The following SNTG1 variants were observed in gnomAD, a reference collection of about 807,000 sequenced individuals.
SNTG1 encodes gamma-1-syntrophin.
In SNTG1, 39 loss-of-function variants were observed where a neutral mutation model predicts 74.7. The observed-to-expected ratio is 0.52, with a 90% CI of 0.40 to 0.68. The LOEUF is 0.68. Among genes scored for constraint, SNTG1 ranks in the 30% least tolerant of loss-of-function variants. The pLI is 0.00. For synonymous variants in SNTG1, 254 were observed against 217.1 expected, an observed-to-expected ratio of 1.17 and a Z score of -1.49; for missense variants, 685 against 609.5, an observed-to-expected ratio of 1.12 and a Z score of -1.30.
intron 2 of SNTG1, among the ~76,000 whole-genome samples, chr8:50,192,396 C>G (rs1183112359): frequency 1.3e-5 from 2 of 152,030 alleles, no homozygotes; most frequent in Non-Finnish European, 2.9e-5. Context: ...GTAACATTTC[C>G]CTGATCATTA....
chr8:50,470,702 A>G (rs2093645969), intron 8 of SNTG1, among the ~76,000 whole-genome samples: 1 of 152,138 alleles, frequency 6.6e-6, no homozygotes, highest in African/African-American at 2.4e-5. Context: ...TGGCTTCAGG[A>G]GTGAAGCTGT....
chr8:50,050,113 T>A (rs1819441243), intron 1 of SNTG1, among the ~76,000 whole-genome samples: 1 of 150,540 alleles, frequency 6.6e-6, no homozygotes, highest in Non-Finnish European at 1.5e-5. Flanking sequence ...AAAGCAGAAA[T>A]CAATAAAATT....
chr8:50,633,523 G>T (rs958807515), intron 13 of SNTG1, among the ~76,000 whole-genome samples: 5 of 152,148 alleles, frequency 3.3e-5, no homozygotes, highest in Admixed American at 2.0e-4. Flanking sequence ...GAAAGGAAAA[G>T]AAATATGCTC....
chr8:50,471,122 CA>C (rs2131744795), intron 8 of SNTG1, among the ~76,000 whole-genome samples: 1 of 152,220 alleles, frequency 6.6e-6, no homozygotes, highest in East Asian at 1.9e-4. Context: ...AAAAGTTCCC[CA>C]AGTCCCAACC....
At chr8:50,126,420 A>G (rs1313306879) in intron 1 of SNTG1, among the ~76,000 whole-genome samples, 1 of 152,148 alleles carries the variant, frequency 6.6e-6, no homozygotes, top group Non-Finnish European at 1.5e-5. Context: ...TGTAATGTAC[A>G]TAAAATTGAT....
chr8:50,382,540 A>C (rs1487135607), intron 2 of SNTG1, among the ~76,000 whole-genome samples: 1 of 152,206 alleles, frequency 6.6e-6, no homozygotes, highest in Non-Finnish European at 1.5e-5. Flanking sequence ...TAGGCTTTGG[A>C]AAGAGCAGGA....
intron 1 of SNTG1, among the ~76,000 whole-genome samples, chr8:50,119,213 G>A (rs1485555548): frequency 7.1e-6 from 1 of 141,018 alleles, no homozygotes; most frequent in Non-Finnish European, 1.6e-5. Context: ...TATAGCCAGC[G>A]AAGTGCCCAC....
intron 2 of SNTG1, among the ~76,000 whole-genome samples, chr8:50,302,894 C>T (rs2089714893): frequency 6.6e-6 from 1 of 152,088 alleles, no homozygotes. Context: ...GAAATAATTG[C>T]TTTTGACGAT....
At chr8:50,372,408 T>G (rs2092290079) in intron 2 of SNTG1, among the ~76,000 whole-genome samples, 1 of 152,066 alleles carries the variant, frequency 6.6e-6, no homozygotes, top group African/African-American at 2.4e-5. Flanking sequence ...CTGTTTCTTG[T>G]CCCCATGTAC....
intron 2 of SNTG1, among the ~76,000 whole-genome samples, chr8:50,337,125 G>A (rs2091168633): frequency 6.6e-6 from 1 of 152,066 alleles, no homozygotes; most frequent in Non-Finnish European, 1.5e-5. Flanking sequence ...GCTCTTACAT[G>A]TAAATGACTT....
chr8:50,380,890 A>G (rs2092468661), intron 2 of SNTG1: 2 of 152,206 alleles, frequency 1.3e-5, no homozygotes, highest in Admixed American at 6.5e-5. Flanking sequence ...GCCACATCTG[A>G]TGATGTGACA....
intron 9 of SNTG1, among the ~76,000 whole-genome samples, chr8:50,517,674 G>T (rs1044601744): frequency 1.5e-5 from 2 of 135,450 alleles, no homozygotes; most frequent in African/African-American, 2.8e-5. Context: ...TGATAAAACA[G>T]ACTTTAAACC....
intron 2 of SNTG1, among the ~76,000 whole-genome samples, chr8:50,373,968 C>T (rs532751987): frequency 6.6e-6 from 1 of 152,218 alleles, no homozygotes; most frequent in East Asian, 1.9e-4. Context: ...GATTCTAGTC[C>T]TGGGATCTCT....
At chr8:49,972,845 A>G (rs1288080523) in intron 1 of SNTG1, among the ~76,000 whole-genome samples, 1 of 152,212 alleles carries the variant, frequency 6.6e-6, no homozygotes, top group Non-Finnish European at 1.5e-5. Context: ...AATGGTGATC[A>G]TTAAAAAGTC....
chr8:50,605,329 A>G (rs1484574088), intron 13 of SNTG1, among the ~76,000 whole-genome samples: 1 of 152,154 alleles, frequency 6.6e-6, no homozygotes, highest in African/African-American at 2.4e-5. Flanking sequence ...TAGGAATGTC[A>G]GTCCTTGTGG....
intron 13 of SNTG1, among the ~76,000 whole-genome samples, chr8:50,651,350 G>T (rs1268057329): frequency 2.0e-5 from 3 of 151,800 alleles, no homozygotes; most frequent in African/African-American, 7.3e-5. Flanking sequence ...TTAAAAAAAT[G>T]CATATATATA....
At chr8:50,139,406 T>C (rs556148555) in intron 1 of SNTG1, among the ~76,000 whole-genome samples, 11 of 152,318 alleles carry the variant, frequency 7.2e-5, no homozygotes, top group Admixed American at 6.5e-4. Context: ...GGATGTAGTC[T>C]AAGAGTGTAA....
At chr8:50,102,265 A>T (rs1436808544) in intron 1 of SNTG1, among the ~76,000 whole-genome samples, 1 of 150,728 alleles carries the variant, frequency 6.6e-6, no homozygotes, top group Non-Finnish European at 1.5e-5. Flanking sequence ...CTGGTGTGAG[A>T]TGATATCTCA....
In SNTG1 at chr8:50,245,272, T is replaced by A. The variant is rs146057823; in HGVS notation, c.-28+72637T>A. On this transcript the variant is annotated intron_variant, in intron 2 of 18. Coordinates refer to ENST00000642720, the MANE Select transcript of SNTG1 (RefSeq NM_018967.5). The stretch of plus-strand genomic sequence containing the variant: ...TCTGGAGTTTTCAGTGTCTCACAAT[T>A]CCTTGATTTGAGACAGATCACCAGA... Among the ~76,000 whole-genome samples, 333 of 152,284 alleles carry A rather than the reference T, an allele frequency of 2.2e-3. 2 individuals are homozygous for A. Among genetic ancestry groups the A allele is most frequent in the African/African-American group, 7.5e-3 (311 of 41,558 alleles).
Sources: allele counts gnomAD v4.1 joint callset (sites outside exome capture counted in the v4.1 genomes callset), GRCh38; gene constraint gnomAD v4.1.1; transcripts MANE v1.5; gene names NCBI Gene and HGNC (gene_info 2026-07-23, HGNC 2026-07-21).